COX17: variants seen among roughly 807,000 people sequenced by gnomAD.
COX17 encodes cytochrome c oxidase copper chaperone.
COX17 carries 1 observed loss-of-function variant against 6.3 expected under a neutral mutation model. That is an observed-to-expected ratio of 0.16 (90% CI 0.06 to 0.75). The LOEUF is 0.75. COX17 is among the 30% of genes least tolerant of loss of function. COX17 has a pLI of 0.77. For synonymous variants in COX17, 26 were observed against 30.5 expected (o/e 0.85, Z 0.49); for missense variants, 73 against 81.2 (o/e 0.90, Z 0.39).
downstream of COX17, among the ~76,000 whole-genome samples, chr3:119,668,517 T>G (rs2053013759): frequency 6.6e-6 from 1 of 151,204 alleles, no homozygotes; most frequent in African/African-American, 2.4e-5. Flanking sequence ...GTACTGACAA[T>G]CTCGTAAGTT....
intron 2 of COX17, 121 bp downstream of exon 2, chr3:119,675,023 GT>G: frequency 1.5e-6 from 1 of 680,410 alleles, no homozygotes. Context: ...AAAAATCATG[GT>G]TTTTTCAAAT....
chr3:119,663,992 C>A (rs1177399541), intron 3 of COX17, among the ~76,000 whole-genome samples: 1 of 152,180 alleles, frequency 6.6e-6, no homozygotes, highest in East Asian at 1.9e-4. Flanking sequence ...ATTTGTTGAG[C>A]TGATTCAATT....
At chr3:119,672,731 A>G (rs1382408732) in intron 2 of COX17, among the ~76,000 whole-genome samples, 1 of 152,250 alleles carries the variant, frequency 6.6e-6, no homozygotes, top group East Asian at 1.9e-4. Flanking sequence ...CAGTAGATAT[A>G]CCATACTATA....
intron 2 of COX17, among the ~76,000 whole-genome samples, chr3:119,674,142 A>C (rs1577180129): frequency 7.7e-6 from 1 of 129,362 alleles, no homozygotes; most frequent in Non-Finnish European, 1.6e-5. Context: ...TGGCCGCCCC[A>C]CCGTCTGGGA....
At chr3:119,676,961 C>G in intron 1 of COX17, 1 of 699,762 alleles carries the variant, frequency 1.4e-6, no homozygotes, top group Middle Eastern at 2.3e-4. Flanking sequence ...GACCCGACCA[C>G]GAAACCTACA....
intron 2 of COX17, among the ~76,000 whole-genome samples, chr3:119,670,208 A>C (rs2053030538): frequency 6.6e-6 from 1 of 152,204 alleles, no homozygotes; most frequent in South Asian, 2.1e-4. Flanking sequence ...AGAGTAGCAT[A>C]GATAGGGTTG....
chr3:119,676,737 G>C (rs890451628), intron 1 of COX17: 8 of 677,312 alleles, frequency 1.2e-5, no homozygotes, highest in African/African-American at 3.5e-5. Flanking sequence ...TTACCACGTC[G>C]TATACAAGTC....
At chr3:119,672,626 C>T (rs968617532) in intron 2 of COX17, among the ~76,000 whole-genome samples, 1 of 152,070 alleles carries the variant, frequency 6.6e-6, no homozygotes, top group African/African-American at 2.4e-5. Flanking sequence ...AACACACTCC[C>T]CTTCAAATTT....
downstream of COX17, among the ~76,000 whole-genome samples, chr3:119,667,669 AAAAAG>A (rs1319850493): frequency 9.3e-4 from 138 of 148,010 alleles, no homozygotes; most frequent in Middle Eastern, 3.4e-3. Context: ...CCAAAAAAAA[AAAAAG>A]AAAGTAAAAG....
intron 2 of COX17, among the ~76,000 whole-genome samples, chr3:119,671,444 G>A (rs973787223): frequency 2.0e-5 from 3 of 152,208 alleles, no homozygotes; most frequent in Admixed American, 6.5e-5. Context: ...TTTCATGATC[G>A]TTGCCAGAGA....
At chr3:119,669,494 C>A (rs1167672434), downstream of COX17, 1 of 151,984 alleles carries the variant, frequency 6.6e-6, no homozygotes, top group Middle Eastern at 3.2e-3. Context: ...GCCACGTGAG[C>A]AAATGAGGAA....
chr3:119,672,565 G>A (rs1351432104), intron 2 of COX17, among the ~76,000 whole-genome samples: 4 of 152,130 alleles, frequency 2.6e-5, no homozygotes, highest in African/African-American at 4.8e-5. Context: ...ATGTACAAAT[G>A]TTAAGGTTGC....
At chr3:119,667,096 A>G (rs1430539113), downstream of COX17, 5 of 152,176 alleles carry the variant, frequency 3.3e-5, no homozygotes, top group African/African-American at 1.2e-4. Flanking sequence ...GTTTTCATCA[A>G]CCTTCAAGTC....
At chr3:119,672,967 C>T (rs1017549108) in intron 2 of COX17, among the ~76,000 whole-genome samples, 2 of 152,180 alleles carry the variant, frequency 1.3e-5, no homozygotes, top group African/African-American at 4.8e-5. Flanking sequence ...TTTTTTATAG[C>T]TCAGTGAGGA....
At chr3:119,675,264 T>A (rs757328643) in intron 1 of COX17, 31 bp from the exon 2 acceptor site, 1 of 1,464,032 alleles carries the variant, frequency 6.8e-7, no homozygotes, top group African/African-American at 1.4e-5. Context: ...GTTATCTAAA[T>A]ATGCATTAAG....
At chr3:119,672,383 C>T (rs1320441624) in intron 2 of COX17, among the ~76,000 whole-genome samples, 1 of 152,180 alleles carries the variant, frequency 6.6e-6, no homozygotes, top group Non-Finnish European at 1.5e-5. Context: ...ATATATGCCA[C>T]TTATAACAAT....
chr3:119,671,566 T>C (rs1483913644), intron 2 of COX17, among the ~76,000 whole-genome samples: 1 of 152,212 alleles, frequency 6.6e-6, no homozygotes, highest in Admixed American at 6.5e-5. Flanking sequence ...ATGCAGACAG[T>C]TGTGTTGGAT....
In COX17 at chr3:119,671,403, A is replaced by C. The variant is rs185451468; in HGVS notation, c.*5-1738T>G. Reference sequence around the variant, plus strand: ...TTAAGATCTACTTAGGAATAACATTAAAATCTACAAAGGTTTTTGAATTAA... The same window carrying C: ...TTAAGATCTACTTAGGAATAACATTCAAATCTACAAAGGTTTTTGAATTAA... On this transcript the variant is annotated intron_variant, in intron 2 of 2. Coordinates refer to ENST00000261070, the MANE Select transcript of COX17 (RefSeq NM_005694.2). Among the ~76,000 whole-genome samples, 121 of 152,366 alleles carry C rather than the reference A, an allele frequency of 7.9e-4. 1 individual carries two copies. The highest frequency in any genetic ancestry group is 2.8e-3 in the African/African-American group (117 of 41,590).
chr3:119,666,465 A>G (rs566512783), downstream of COX17, among the ~76,000 whole-genome samples: 126 of 152,322 alleles, frequency 8.3e-4, no homozygotes, highest in Non-Finnish European at 1.5e-3. Flanking sequence ...AGGATTTTCT[A>G]TTACTTGCTA....
Sources: allele counts gnomAD v4.1 joint callset (sites outside exome capture counted in the v4.1 genomes callset), GRCh38; gene constraint gnomAD v4.1.1; transcripts MANE v1.5; gene names NCBI Gene and HGNC (gene_info 2026-07-23, HGNC 2026-07-21).